The following RPTOR variants were observed in gnomAD, a reference collection of about 807,000 sequenced individuals.
RPTOR encodes the protein regulatory-associated protein of mTOR.
Under a neutral mutation model 169.9 loss-of-function variants are expected in RPTOR, and 21 were observed. The ratio of observed to expected loss-of-function variants is 0.12; its 90% CI spans 0.09 to 0.18. The LOEUF (loss-of-function observed/expected upper bound fraction) is 0.18. RPTOR is among the 10% of genes least tolerant of loss of function. RPTOR has a pLI of 1.00. For synonymous variants in RPTOR, 732 were observed against 753.2 expected (o/e 0.97, Z 0.46); for missense variants, 1,133 against 1,855.9 (o/e 0.61, Z 7.16).
intron 26 of RPTOR, among the ~76,000 whole-genome samples, chr17:80,946,096 T>C (rs1003036949): frequency 2.0e-5 from 3 of 152,136 alleles, no homozygotes; most frequent in Admixed American, 2.0e-4. Context: ...GGGGCCAGCT[T>C]GCTGCCCTGC....
At chr17:80,631,297 C>G (rs563541881) in intron 2 of RPTOR, among the ~76,000 whole-genome samples, 3 of 152,226 alleles carry the variant, frequency 2.0e-5, no homozygotes, top group South Asian at 2.1e-4. Context: ...CTTCAAGCCT[C>G]TCCACACTCT....
intron 1 of RPTOR, among the ~76,000 whole-genome samples, chr17:80,591,388 T>C (rs1227887807): frequency 1.3e-5 from 2 of 149,646 alleles, no homozygotes; most frequent in Middle Eastern, 3.4e-3. Flanking sequence ...TTTTTTTCTT[T>C]TTTTTTTGGA....
chr17:80,783,579 G>A (rs970955757), intron 6 of RPTOR, among the ~76,000 whole-genome samples: 10 of 152,198 alleles, frequency 6.6e-5, no homozygotes, highest in South Asian at 2.1e-4. Context: ...CCTTGTTCCC[G>A]TGGAAGGTGT....
At chr17:80,767,631 G>C (rs983978487) in intron 6 of RPTOR, among the ~76,000 whole-genome samples, 1 of 152,178 alleles carries the variant, frequency 6.6e-6, no homozygotes, top group Non-Finnish European at 1.5e-5. Context: ...AAACCTTTAA[G>C]ATGAACAGAA....
intron 1 of RPTOR, among the ~76,000 whole-genome samples, chr17:80,584,128 C>T (rs530248701): frequency 2.6e-5 from 4 of 152,272 alleles, no homozygotes; most frequent in African/African-American, 9.6e-5. Flanking sequence ...CGAGGAGACC[C>T]CCGCTTTTAT....
In RPTOR at chr17:80,695,651, GA is replaced by G. The variant is rs2066030191; in HGVS notation, c.349-12188del. ...CTTCCTAGTCTCTGCACGTTACCCC[GA>G]ATTCCAGAATAATCGTGAGAAGGAG... On this transcript the variant is annotated intron_variant, in intron 3 of 33. Coordinates refer to ENST00000306801, the MANE Select transcript of RPTOR (RefSeq NM_020761.3). This position sits in a 1 kb window ranked among gnomAD's most constrained non-coding sequence, Gnocchi z 4.9. Among the ~76,000 whole-genome samples the G allele has an allele frequency of 2.0e-5, 3 of 152,196 alleles. No homozygotes were observed. The highest frequency in any genetic ancestry group is 4.4e-5 in the Non-Finnish European group (3 of 68,044).
intron 3 of RPTOR, among the ~76,000 whole-genome samples, chr17:80,644,314 T>TC (rs2143599514): frequency 6.6e-6 from 1 of 150,866 alleles, no homozygotes; most frequent in Non-Finnish European, 1.5e-5. Flanking sequence ...TGGGTTTTTT[T>TC]TTTTTTTTTT....
At position 80,558,193 on chromosome 17, in the gene RPTOR, C is replaced by T. The variant is rs142868926; in HGVS notation, c.162+12402C>T. 2.4e-3 allele frequency among the ~76,000 whole-genome samples: 365 copies of T among 152,244 alleles called. 2 individuals carry two copies. The highest frequency in any genetic ancestry group is 8.1e-3 in the African/African-American group (338 of 41,552). On this transcript the variant is annotated intron_variant, in intron 1 of 33. Transcript: ENST00000306801. ...GCATGTGCCTGTGGTCCCAGCTACT[C>T]GGATGGCTGAGTCAAGGGGATGGTT...
At chr17:80,697,627 C>T (rs927315765) in intron 3 of RPTOR, among the ~76,000 whole-genome samples, 4 of 152,166 alleles carry the variant, frequency 2.6e-5, no homozygotes, top group African/African-American at 7.2e-5. Context: ...GACTTGGGAA[C>T]GTCTGGGCCA....
intron 6 of RPTOR, among the ~76,000 whole-genome samples, chr17:80,782,809 C>G (rs771508715): frequency 1.3e-5 from 2 of 152,224 alleles, no homozygotes; most frequent in African/African-American, 4.8e-5. Context: ...TTATTCCCAT[C>G]TTAGCTCTGT....
chr17:80,724,319 G>C (rs2066312216), intron 4 of RPTOR, among the ~76,000 whole-genome samples: 1 of 151,158 alleles, frequency 6.6e-6, no homozygotes, highest in South Asian at 2.1e-4. Context: ...GGTCAGGAGA[G>C]AGGAGACATG....
At chr17:80,686,365 T>G (rs1423581116) in intron 3 of RPTOR, among the ~76,000 whole-genome samples, 2 of 150,638 alleles carry the variant, frequency 1.3e-5, no homozygotes, top group Non-Finnish European at 2.9e-5. Context: ...TTTTTTATTT[T>G]TAGTAGAGAC....
chr17:80,866,382 C>T (rs1366609859), intron 13 of RPTOR, among the ~76,000 whole-genome samples: 1 of 152,108 alleles, frequency 6.6e-6, no homozygotes, highest in East Asian at 1.9e-4. Flanking sequence ...TCCCGGCTTC[C>T]ACCTGAAGAG....
At chr17:80,951,162 A>G (rs1338960800) in intron 28 of RPTOR, among the ~76,000 whole-genome samples, 2 of 149,300 alleles carry the variant, frequency 1.3e-5, no homozygotes, top group African/African-American at 4.9e-5. Flanking sequence ...GGTCCCTGAG[A>G]CCCCCCAGAA....
chr17:80,597,173 G>A (rs12450644), intron 1 of RPTOR, among the ~76,000 whole-genome samples: 27,747 of 152,150 alleles, frequency 0.18, 2,919 homozygotes, highest in East Asian at 0.27. Context: ...CTCAAGCCTC[G>A]GCATTTGGCA....
intron 31 of RPTOR, 199 bp downstream of exon 31, chr17:80,961,679 G>A: frequency 1.6e-6 from 1 of 616,050 alleles, no homozygotes; most frequent in Non-Finnish European, 2.7e-6. Flanking sequence ...CCTGCTGGGG[G>A]ACACCTGACC....
At chr17:80,741,615 C>T (rs1238741159) in intron 5 of RPTOR, among the ~76,000 whole-genome samples, 1 of 152,178 alleles carries the variant, frequency 6.6e-6, no homozygotes, top group Non-Finnish European at 1.5e-5. Flanking sequence ...GTGTGGGGTC[C>T]TATCAGAGAT....
In RPTOR at chr17:80,664,503, T is replaced by G. The variant is rs188861841; in HGVS notation, c.348+20693T>G. 2.1e-4 allele frequency among the ~76,000 whole-genome samples: 32 copies of G among 151,326 alleles called. No individual in the cohort carries two copies. In the East Asian group the frequency reaches 5.3e-3, roughly 25 times the overall value. ...CCTTCTCCTTCTCCTCCTTCCCCTTTCAGTGCTTGCTCTTCCCTCCTTTCC... is the reference window on the plus strand; with the variant it reads ...CCTTCTCCTTCTCCTCCTTCCCCTTGCAGTGCTTGCTCTTCCCTCCTTTCC... On this transcript the variant is annotated intron_variant, in intron 3 of 33. Coordinates refer to ENST00000306801, the MANE Select transcript of RPTOR (RefSeq NM_020761.3).
intron 1 of RPTOR, among the ~76,000 whole-genome samples, chr17:80,620,267 AT>A (rs2143516330): frequency 6.6e-6 from 1 of 152,338 alleles, no homozygotes; most frequent in South Asian, 2.1e-4. Context: ...ATTACATTGC[AT>A]TGGAGGAAAA....
Sources: allele counts gnomAD v4.1 joint callset (sites outside exome capture counted in the v4.1 genomes callset), GRCh38; gene constraint gnomAD v4.1.1; non-coding constraint Gnocchi (gnomAD v3.1); transcripts MANE v1.5; gene names NCBI Gene and HGNC (gene_info 2026-07-23, HGNC 2026-07-21).